The following COP1 variants were observed in gnomAD, a reference collection of about 807,000 sequenced individuals.
COP1 encodes the protein E3 ubiquitin-protein ligase COP1.
COP1 carries 24 observed loss-of-function variants against 101.3 expected under a neutral mutation model. The observed-to-expected ratio is 0.24, with a 90% confidence interval of 0.17 to 0.33. COP1 has a LOEUF of 0.33. COP1 is among the 10% of genes least tolerant of loss of function. COP1 has a pLI of 1.00. For missense variants in COP1, 663 were observed against 906.2 expected, an observed-to-expected ratio of 0.73 and a Z score of 3.45; for synonymous variants, 347 against 341.9, an observed-to-expected ratio of 1.01 and a Z score of -0.17.
chr1:176,011,119 G>A (rs1664582407), intron 15 of COP1, among the ~76,000 whole-genome samples: 1 of 152,118 alleles, frequency 6.6e-6, no homozygotes, highest in South Asian at 2.1e-4. Flanking sequence ...TTTTGTTGGT[G>A]TGAAAAACAA....
At chr1:176,032,590 C>T (rs1417094774) in intron 14 of COP1, among the ~76,000 whole-genome samples, 1 of 152,050 alleles carries the variant, frequency 6.6e-6, no homozygotes. Flanking sequence ...ATTAAACTAC[C>T]ACTTCCAAGC....
At position 176,206,636 on chromosome 1, in the gene COP1, G is replaced by A. The variant is rs1456199578; in HGVS notation, c.343C>T (p.Leu115Phe). ...AGCCCGTTGCAGAGGGGGGCGAGGA[G>A]AGGTCGCTTCCTGCTGCCGCTGCCT... The part of the protein sequence containing the change: ...SLGSGSRKRP[L>F]LAPLCNGLIN... Residue 115 changes from leucine to phenylalanine, a missense_variant, in exon 1 of 20, where the codon CTC becomes TTC. Coordinates refer to ENST00000367669, the MANE Select transcript of COP1 (RefSeq NM_022457.7). The A allele has an allele frequency of 1.2e-6, 2 of 1,612,050 alleles. No individual in the cohort carries two copies. The highest frequency in any genetic ancestry group is 1.7e-6 in the Non-Finnish European group (2 of 1,180,002).
chr1:176,075,756 G>A (rs1247625940), intron 11 of COP1, among the ~76,000 whole-genome samples: 2 of 152,092 alleles, frequency 1.3e-5, no homozygotes, highest in Non-Finnish European at 2.9e-5. Context: ...TGTAATACCA[G>A]TAGTTTGGGA....
chr1:175,997,192 C>G (rs1323906896), intron 15 of COP1, among the ~76,000 whole-genome samples: 1 of 149,876 alleles, frequency 6.7e-6, no homozygotes, highest in African/African-American at 2.4e-5. Flanking sequence ...AACTGGCTAG[C>G]CATATGTAGA....
At chr1:176,159,201 C>G (rs992979925) in intron 5 of COP1, among the ~76,000 whole-genome samples, 3 of 152,038 alleles carry the variant, frequency 2.0e-5, no homozygotes, top group Non-Finnish European at 4.4e-5. Flanking sequence ...CACACATACA[C>G]AAATCAGTAA....
Position 176,081,157 on chromosome 1 carries a change from G to C in COP1, c.1272C>G (p.Val424=). Residue 424 remains valine, a synonymous_variant, in exon 11 of 20, where the codon GTC becomes GTG. Transcript: ENST00000367669. Reference sequence around the variant, plus strand: ...GTAATTTGACCAATACTTACCTAGAGACTATACTGGAACCATTATAGAGAT... The same window carrying C: ...GTAATTTGACCAATACTTACCTAGACACTATACTGGAACCATTATAGAGAT... ...ASDLYNGSSI[V]SSIEFDRDCD... 6 of 1,599,470 alleles carry C rather than the reference G, an allele frequency of 3.8e-6. No homozygotes were observed. Among genetic ancestry groups the C allele is most frequent in the Non-Finnish European group, 4.3e-6 (5 of 1,172,048 alleles).
chr1:176,085,511 G>A (rs1418235660), intron 10 of COP1, among the ~76,000 whole-genome samples: 1 of 151,934 alleles, frequency 6.6e-6, no homozygotes, highest in African/African-American at 2.4e-5. Context: ...ATTTTTGTTG[G>A]CTACATATTC....
intron 18 of COP1, among the ~76,000 whole-genome samples, chr1:175,955,793 C>CACACACACACAA (rs1339937908): frequency 6.6e-6 from 1 of 151,574 alleles, no homozygotes; most frequent in Non-Finnish European, 1.5e-5. Flanking sequence ...CACACACACA[C>CACACACACACAA]ACACACACGG....
chr1:176,120,153 T>C (rs1305410638), intron 8 of COP1, among the ~76,000 whole-genome samples: 2 of 152,074 alleles, frequency 1.3e-5, no homozygotes, highest in African/African-American at 4.8e-5. Flanking sequence ...TAAATGTCAA[T>C]AAAATTATAA....
intron 15 of COP1, among the ~76,000 whole-genome samples, chr1:176,013,512 A>C (rs1665059161): frequency 6.6e-6 from 1 of 152,152 alleles, no homozygotes; most frequent in Non-Finnish European, 1.5e-5. Context: ...TTCCTGCTAT[A>C]GTTTTTCTCC....
chr1:176,132,582 A>G (rs1278158996), intron 8 of COP1, among the ~76,000 whole-genome samples: 1 of 141,808 alleles, frequency 7.1e-6, no homozygotes, highest in Non-Finnish European at 1.5e-5. Flanking sequence ...TATACTATAT[A>G]TACACACATA....
At chr1:176,178,428 T>C (rs950657854) in intron 2 of COP1, among the ~76,000 whole-genome samples, 7 of 151,650 alleles carry the variant, frequency 4.6e-5, no homozygotes, top group African/African-American at 7.3e-5. Context: ...GAGGCTGAGG[T>C]TGCAGTGGGC....
chr1:176,161,389 G>C (rs755759075), intron 5 of COP1, among the ~76,000 whole-genome samples: 1 of 152,086 alleles, frequency 6.6e-6, no homozygotes, highest in Non-Finnish European at 1.5e-5. Context: ...AAGAGTTTGA[G>C]ACTACTGTAG....
At chr1:176,168,974 T>C (rs1695618441) in intron 3 of COP1, among the ~76,000 whole-genome samples, 1 of 152,170 alleles carries the variant, frequency 6.6e-6, no homozygotes, top group Non-Finnish European at 1.5e-5. Context: ...TTTCTTTTCA[T>C]CAAAATTGAA....
chr1:176,044,644 T>C (rs764490743), intron 12 of COP1, among the ~76,000 whole-genome samples: 15 of 152,196 alleles, frequency 9.9e-5, no homozygotes, highest in African/African-American at 1.7e-4. Context: ...ATTTTGAATT[T>C]AGGTAGACTT....
At chr1:176,104,676 T>A (rs947160141) in intron 9 of COP1, among the ~76,000 whole-genome samples, 3 of 152,128 alleles carry the variant, frequency 2.0e-5, no homozygotes, top group Admixed American at 2.0e-4. Context: ...AGAGGTGCTG[T>A]GGGGAAAACA....
At chr1:176,153,791 A>T (rs1227465030) in intron 5 of COP1, among the ~76,000 whole-genome samples, 1 of 152,132 alleles carries the variant, frequency 6.6e-6, no homozygotes, top group African/African-American at 2.4e-5. Context: ...AGAGTTTTTA[A>T]TATGAAGGAG....
chr1:176,058,963 C>T (rs1674359617), intron 11 of COP1, among the ~76,000 whole-genome samples: 1 of 152,154 alleles, frequency 6.6e-6, no homozygotes, highest in Non-Finnish European at 1.5e-5. Flanking sequence ...CTCTGTCAGC[C>T]ACTTCTCAGA....
intron 3 of COP1, among the ~76,000 whole-genome samples, 192 bp from the exon 4 acceptor site, chr1:176,164,083 A>G (rs1694738329): frequency 1.3e-5 from 2 of 152,196 alleles, no homozygotes; most frequent in East Asian, 1.9e-4. Context: ...TGCTACTACT[A>G]CAACTACTAT....
Sources: allele counts gnomAD v4.1 joint callset (sites outside exome capture counted in the v4.1 genomes callset), GRCh38; gene constraint gnomAD v4.1.1; transcripts MANE v1.5; gene names NCBI Gene and HGNC (gene_info 2026-07-23, HGNC 2026-07-21).